Variants in HMBOX1 observed in about 807,000 individuals in gnomAD.
The protein encoded by HMBOX1 is homeobox-containing protein 1.
In HMBOX1, 14 loss-of-function variants were observed where a neutral mutation model predicts 54.5. The ratio of observed to expected loss-of-function variants is 0.26; its 90% CI spans 0.17 to 0.40. HMBOX1 has a LOEUF of 0.40. Among genes scored for constraint, HMBOX1 ranks in the 10% least tolerant of loss-of-function variants. HMBOX1 has a pLI of 1.00. For synonymous variants in HMBOX1, 160 were observed against 181.0 expected, an observed-to-expected ratio of 0.88 and a Z score of 0.93; for missense variants, 332 against 514.4, an observed-to-expected ratio of 0.65 and a Z score of 3.43.
intron 4 of HMBOX1, among the ~76,000 whole-genome samples, chr8:28,987,820 GA>G (rs1830383916): frequency 6.6e-6 from 1 of 152,154 alleles, no homozygotes; most frequent in Admixed American, 6.5e-5. Flanking sequence ...TTTTGGCTTA[GA>G]AGAAAACTTT....
At chr8:28,897,549 A>T (rs1355905510) in intron 1 of HMBOX1, among the ~76,000 whole-genome samples, 1 of 151,992 alleles carries the variant, frequency 6.6e-6, no homozygotes, top group Non-Finnish European at 1.5e-5. Flanking sequence ...GGTGGCACAC[A>T]CCTGTACTCC....
intron 1 of HMBOX1, among the ~76,000 whole-genome samples, chr8:28,909,470 A>T (rs1814992506): frequency 6.6e-6 from 1 of 152,214 alleles, no homozygotes; most frequent in African/African-American, 2.4e-5. Flanking sequence ...CAATTTCTGT[A>T]ACTAGTCATG....
intron 1 of HMBOX1, among the ~76,000 whole-genome samples, chr8:28,960,753 C>CTTTTTTTTTT (rs1023356056): frequency 7.6e-5 from 5 of 65,654 alleles, no homozygotes; most frequent in Non-Finnish European, 8.8e-5. Context: ...TTCTCTTTTT[C>CTTTTTTTTTT]TTTTTCTTTT....
At chr8:29,026,796 G>A (rs1028454186) in intron 6 of HMBOX1, among the ~76,000 whole-genome samples, 1 of 152,100 alleles carries the variant, frequency 6.6e-6, no homozygotes, top group Non-Finnish European at 1.5e-5. Flanking sequence ...ATATACTGAT[G>A]GTTTTTAATT....
chr8:28,997,345 G>A (rs897855743), intron 4 of HMBOX1, among the ~76,000 whole-genome samples: 4 of 152,080 alleles, frequency 2.6e-5, no homozygotes, highest in Non-Finnish European at 5.9e-5. Context: ...CTTTTTCTGT[G>A]TCTATTAAAA....
chr8:28,943,866 T>C (rs1170414450), intron 1 of HMBOX1, among the ~76,000 whole-genome samples: 1 of 152,198 alleles, frequency 6.6e-6, no homozygotes, highest in Admixed American at 6.5e-5. Context: ...TGACAGATGC[T>C]GCACTTCTTC....
At chr8:28,915,224 A>G (rs968510222) in intron 1 of HMBOX1, among the ~76,000 whole-genome samples, 2 of 152,178 alleles carry the variant, frequency 1.3e-5, no homozygotes, top group East Asian at 1.9e-4. Context: ...ACTACATTTT[A>G]TGAAGTAAAA....
At chr8:28,928,010 C>G (rs143520712) in intron 1 of HMBOX1, among the ~76,000 whole-genome samples, 36 of 151,950 alleles carry the variant, frequency 2.4e-4, no homozygotes, top group African/African-American at 8.2e-4. Flanking sequence ...TGGCGTGCAC[C>G]TGTAGTCCCA....
At chr8:28,937,833 A>T (rs1387370665) in intron 1 of HMBOX1, among the ~76,000 whole-genome samples, 1 of 152,218 alleles carries the variant, frequency 6.6e-6, no homozygotes, top group Non-Finnish European at 1.5e-5. Context: ...TTGAAGGTGA[A>T]GCATGTGTCT....
chr8:29,003,496 G>GTATA (rs10572983), intron 4 of HMBOX1, among the ~76,000 whole-genome samples: 54 of 127,240 alleles, frequency 4.2e-4, no homozygotes, highest in South Asian at 2.6e-4. Context: ...GTGTGTGTGT[G>GTATA]TATATATATA....
chr8:28,989,992 G>A (rs377707087), intron 4 of HMBOX1, among the ~76,000 whole-genome samples: 1 of 151,912 alleles, frequency 6.6e-6, no homozygotes. Flanking sequence ...TTCAGTGCCC[G>A]CTTCCTTGTT....
chr8:29,043,789 T>C (rs1056585775), intron 6 of HMBOX1, among the ~76,000 whole-genome samples: 1 of 152,022 alleles, frequency 6.6e-6, no homozygotes, highest in Non-Finnish European at 1.5e-5. Flanking sequence ...CCTAAGTAAA[T>C]AGGCATAGGG....
intron 6 of HMBOX1, among the ~76,000 whole-genome samples, chr8:29,020,115 A>C (rs1015389468): frequency 6.6e-6 from 1 of 152,218 alleles, no homozygotes; most frequent in Admixed American, 6.5e-5. Flanking sequence ...TGACATTTAC[A>C]ATCTGCTCTG....
intron 1 of HMBOX1, among the ~76,000 whole-genome samples, chr8:28,961,028 G>T (rs922013996): frequency 1.3e-5 from 2 of 151,706 alleles, no homozygotes; most frequent in Admixed American, 1.3e-4. Flanking sequence ...CTCATGATCT[G>T]TCTGCCTTGG....
intron 1 of HMBOX1, among the ~76,000 whole-genome samples, chr8:28,906,994 TGA>T (rs1814466071): frequency 6.6e-6 from 1 of 152,234 alleles, no homozygotes; most frequent in African/African-American, 2.4e-5. Context: ...TCAAAATTAT[TGA>T]AAATGTTATC....
chr8:29,050,194 T>G, intron 9 of HMBOX1: 8 of 982,416 alleles, frequency 8.1e-6, no homozygotes, highest in Non-Finnish European at 9.7e-6. Context: ...TTTGTTTTTT[T>G]CCTTAAGGGA....
At chr8:29,016,627 G>A (rs141238321) in intron 5 of HMBOX1, among the ~76,000 whole-genome samples, 3 of 152,368 alleles carry the variant, frequency 2.0e-5, no homozygotes, top group East Asian at 3.9e-4. Context: ...AGAGGTTGCT[G>A]TCCAGCTGTC....
rs1822662420 is a variant in HMBOX1 at position 28,947,404 on chromosome 8, G to A, written c.-57-16407G>A. On this transcript the variant is annotated intron_variant, in intron 1 of 9. Transcript: ENST00000287701. The stretch of plus-strand genomic sequence containing the variant: ...AGCATATCCTCCTGAGATGTGGAAA[G>A]TAAAACACTCCTCCACTTCTCTTGC... Among the ~76,000 whole-genome samples, 4 of 152,322 alleles carry A rather than the reference G, an allele frequency of 2.6e-5. No individual in the cohort carries two copies. In the South Asian group the frequency reaches 8.3e-4, roughly 32 times the overall value.
chr8:28,909,247 T>C (rs1003885500), intron 1 of HMBOX1, among the ~76,000 whole-genome samples: 16 of 152,202 alleles, frequency 1.1e-4, no homozygotes, highest in African/African-American at 3.9e-4. Flanking sequence ...AGAAAAACTT[T>C]GTTGAGCAAT....
Sources: gnomAD v4.1 joint callset for allele counts (sites outside exome capture counted in the v4.1 genomes callset) on GRCh38, gnomAD v4.1.1 for gene constraint, MANE v1.5 for transcripts, NCBI Gene and HGNC (gene_info 2026-07-23, HGNC 2026-07-21) for gene names.